The following PCDHGA9 variants were observed in gnomAD, a reference collection of about 807,000 sequenced individuals.
The protein encoded by PCDHGA9 is protocadherin gamma-A9.
PCDHGA9 carries 37 observed loss-of-function variants against 62.5 expected under a neutral mutation model. The ratio of observed to expected loss-of-function variants is 0.59; its 90% CI spans 0.46 to 0.78. The LOEUF is 0.78. Among genes scored for constraint, PCDHGA9 ranks in the 30% least tolerant of loss-of-function variants. PCDHGA9 has a pLI of 0.00. For missense variants in PCDHGA9, 1,138 were observed against 1,166.2 expected (o/e 0.98, Z 0.35); for synonymous variants, 459 against 484.6 (o/e 0.95, Z 0.69).
At chr5:141,408,303 G>A in intron 1 of PCDHGA9, 3 of 1,613,794 alleles carry the variant, frequency 1.9e-6, no homozygotes, top group Non-Finnish European at 2.5e-6. Flanking sequence ...GAGCCGATCC[G>A]CTACTCGATT....
At chr5:141,448,000 C>T (rs1363676731) in intron 1 of PCDHGA9, among the ~76,000 whole-genome samples, 3 of 151,840 alleles carry the variant, frequency 2.0e-5, no homozygotes, top group Non-Finnish European at 4.4e-5. Flanking sequence ...GCATGAGAAT[C>T]GCTTGAACCC....
chr5:141,428,358 G>T, intron 1 of PCDHGA9: 1 of 565,492 alleles, frequency 1.8e-6, no homozygotes, highest in Non-Finnish European at 3.2e-6. Flanking sequence ...TGATTTTGGC[G>T]GTCGCCTTGC....
At chr5:141,418,955 G>C in intron 1 of PCDHGA9, 4 of 1,614,050 alleles carry the variant, frequency 2.5e-6, no homozygotes, top group Non-Finnish European at 3.4e-6. Flanking sequence ...AGGAGTGGTT[G>C]TTGCCCTCTT....
chr5:141,436,193 A>G (rs2097801112), intron 1 of PCDHGA9, among the ~76,000 whole-genome samples: 1 of 152,156 alleles, frequency 6.6e-6, no homozygotes, highest in South Asian at 2.1e-4. Flanking sequence ...AAATAGAAAG[A>G]AAGACATAAT....
In PCDHGA9 at chr5:141,486,872, C is replaced by T. The variant is rs1320632059; in HGVS notation, c.2425-7935C>T. On this transcript the variant is annotated intron_variant, in intron 1 of 3. Transcript: ENST00000573521. The surrounding 1 kb of genome is among the most constrained non-coding windows in gnomAD (Gnocchi z 5.0). ...CAATGACAATGCTCCAGCTGTGCTC[C>T]GTCCTCGGGCCCGGCCTGGTTCCTT... The T allele has an allele frequency of 3.7e-6, 6 of 1,614,232 alleles. No individual in the cohort carries two copies. Among genetic ancestry groups the T allele is most frequent in the African/African-American group, 1.3e-5 (1 of 75,070 alleles).
intron 1 of PCDHGA9, chr5:141,424,783 T>C (rs1285808638): frequency 1.3e-5 from 2 of 152,212 alleles, no homozygotes; most frequent in African/African-American, 4.8e-5. Flanking sequence ...TACATTCAGT[T>C]CTTTTATTCA....
At chr5:141,452,281 T>G (rs948141174) in intron 1 of PCDHGA9, among the ~76,000 whole-genome samples, 2 of 152,232 alleles carry the variant, frequency 1.3e-5, no homozygotes, top group Non-Finnish European at 2.9e-5. Flanking sequence ...CCTTTCTTAC[T>G]TTCTGATATA....
At chr5:141,433,848 A>AAC (rs1403081382) in intron 1 of PCDHGA9, among the ~76,000 whole-genome samples, 1 of 151,964 alleles carries the variant, frequency 6.6e-6, no homozygotes, top group South Asian at 2.1e-4. Context: ...AAAAAAAAAA[A>AAC]AAAAAAACTT....
Position 141,403,892 on chromosome 5 carries a change from T to C in PCDHGA9, c.940T>C (p.Phe314Leu). Residue 314 changes from phenylalanine to leucine, a missense_variant, in exon 1 of 4, where the codon TTT (phenylalanine) becomes CTT (leucine). By Grantham distance (22) the Phe-to-Leu change is conservative. Coordinates refer to ENST00000573521, the MANE Select transcript of PCDHGA9 (RefSeq NM_018921.3). ...AAGTCTAGATTATGAAGAATGTTCA[T>C]TTTATGAAATGGAAATACAAGCTGA... ...AKSLDYEECS[F>L]YEMEIQAEDG... The C allele has an allele frequency of 6.2e-7, 1 of 1,613,820 alleles. No homozygotes were observed. Among genetic ancestry groups the C allele is most frequent in the Non-Finnish European group, 8.5e-7 (1 of 1,179,882 alleles).
chr5:141,508,867 G>A (rs2099872497), intron 3 of PCDHGA9, among the ~76,000 whole-genome samples: 1 of 152,108 alleles, frequency 6.6e-6, no homozygotes. Flanking sequence ...GGGAAAGGCT[G>A]AAGAGGCTGA....
Position 141,405,229 on chromosome 5 carries a change from C to T in PCDHGA9, c.2277C>T (p.Leu759=). 6.2e-7 allele frequency: 1 copy of T among 1,614,144 alleles called. No homozygotes were observed. Among genetic ancestry groups the T allele is most frequent in the Non-Finnish European group, 8.5e-7 (1 of 1,180,026 alleles). ...AGACCTATTCTCAGGAGTTCTCCCT[C>T]ACCGCTGACTCAAGGAAGAGTCACC... ...FLQTYSQEFS[L]TADSRKSHLI... The change falls in exon 1 of 4, where the codon CTC becomes CTT. Residue 759 remains leucine (L), a synonymous_variant. Coordinates refer to ENST00000573521, the MANE Select transcript of PCDHGA9 (RefSeq NM_018921.3).
rs752011641 is a variant in PCDHGA9 at position 141,490,299 on chromosome 5, C to T, written c.2425-4508C>T. 1.2e-6 allele frequency: 2 copies of T among 1,614,068 alleles called. No homozygotes were observed. Among genetic ancestry groups the T allele is most frequent in the East Asian group, 2.2e-5 (1 of 44,896 alleles). Reference sequence around the variant, plus strand: ...ACAATGCCCCAGAGGTGCTATTGGCCTCTTTGGCCAACCCTGTCCTAGAGA... The same window carrying T: ...ACAATGCCCCAGAGGTGCTATTGGCTTCTTTGGCCAACCCTGTCCTAGAGA... On this transcript the variant is annotated intron_variant, in intron 1 of 3. Coordinates refer to ENST00000573521, the MANE Select transcript of PCDHGA9 (RefSeq NM_018921.3). The surrounding 1 kb of genome is among the most constrained non-coding windows in gnomAD (Gnocchi z 5.4).
In PCDHGA9 at chr5:141,433,322, T is replaced by A. The variant is rs907709272; in HGVS notation, c.2424+27946T>A. On this transcript the variant is annotated intron_variant, in intron 1 of 3. Transcript: ENST00000573521. ...AATTATCCCACCTTTGCCTCCGGTGTAACAGGGACTACAGGTGCAAGCCAC... is the reference window on the plus strand; with the variant it reads ...AATTATCCCACCTTTGCCTCCGGTGAAACAGGGACTACAGGTGCAAGCCAC... The A allele has an allele frequency of 5.3e-6, 4 of 760,298 alleles. No homozygotes were observed. In the African/African-American group the frequency reaches 7.1e-5, roughly 13 times the overall value. The allele number at this position is 760,298 out of a possible 1,614,324, so 47.1% of individuals were successfully genotyped here.
At chr5:141,428,098 A>G in intron 1 of PCDHGA9, 1 of 1,608,664 alleles carries the variant, frequency 6.2e-7, no homozygotes, top group Non-Finnish European at 8.5e-7. Flanking sequence ...CTGTCCTACC[A>G]CGTGCTGCAG....
intron 1 of PCDHGA9, among the ~76,000 whole-genome samples, chr5:141,456,946 G>A (rs182320066): frequency 2.3e-4 from 35 of 152,284 alleles, no homozygotes; most frequent in Admixed American, 2.3e-3. Context: ...CTGGGCAACA[G>A]AGCAAAACTC....
At chr5:141,450,995 T>G (rs983544118) in intron 1 of PCDHGA9, among the ~76,000 whole-genome samples, 3 of 151,510 alleles carry the variant, frequency 2.0e-5, no homozygotes, top group Non-Finnish European at 4.4e-5. Context: ...CGGCTAATTT[T>G]TTTGTATTTT....
In PCDHGA9 at chr5:141,432,866, G is replaced by C. The variant is rs139832920; in HGVS notation, c.2424+27490G>C. 8 of 1,614,152 alleles carry C rather than the reference G, an allele frequency of 5.0e-6. No individual in the cohort carries two copies. Among genetic ancestry groups the C allele is most frequent in the South Asian group, 2.2e-5 (2 of 91,074 alleles). On this transcript the variant is annotated intron_variant, in intron 1 of 3. Coordinates refer to ENST00000573521, the MANE Select transcript of PCDHGA9 (RefSeq NM_018921.3). The surrounding 1 kb of genome is among the most constrained non-coding windows in gnomAD (Gnocchi z 6.0). ...GGTAGCGGTGGCCGCGGTCTCCTGC[G>C]TCTTCCTGGCCTTCGTCATCTTGCT...
At chr5:141,409,201 AATC>A (rs1377420843) in intron 1 of PCDHGA9, 1 of 1,614,044 alleles carries the variant, frequency 6.2e-7, no homozygotes, top group Non-Finnish European at 8.5e-7. Context: ...AGTGTAAAGT[AATC>A]ATAGAAATCC....
At chr5:141,462,596 A>G (rs1260411284) in intron 1 of PCDHGA9, among the ~76,000 whole-genome samples, 5 of 151,922 alleles carry the variant, frequency 3.3e-5, no homozygotes, top group African/African-American at 1.2e-4. Flanking sequence ...TTTCCATTTC[A>G]TATATTGTAT....
Sources: allele counts gnomAD v4.1 joint callset (sites outside exome capture counted in the v4.1 genomes callset), GRCh38; gene constraint gnomAD v4.1.1; non-coding constraint Gnocchi (gnomAD v3.1); transcripts MANE v1.5; gene names NCBI Gene and HGNC (gene_info 2026-07-23, HGNC 2026-07-21).